COL21A1: variants seen among roughly 807,000 people sequenced by gnomAD.
COL21A1 encodes collagen type XXI alpha 1 chain, also known as collagen alpha-1(XXI) chain.
In COL21A1, 149 loss-of-function variants were observed where a neutral mutation model predicts 137.9. The ratio of observed to expected loss-of-function variants is 1.08; its 90% confidence interval spans 0.95 to 1.24. COL21A1 has a LOEUF of 1.24. Ranked by LOEUF, COL21A1 falls within the 50% of genes most tolerant of loss-of-function variation. COL21A1 has a pLI of 0.00. For missense variants in COL21A1, 1,167 were observed against 1,158.4 expected (o/e 1.01, Z -0.11); for synonymous variants, 456 against 391.5 (o/e 1.16, Z -1.95).
At chr6:56,360,825 C>T (rs757145823) in intron 1 of COL21A1, among the ~76,000 whole-genome samples, 3 of 152,098 alleles carry the variant, frequency 2.0e-5, no homozygotes, top group Non-Finnish European at 2.9e-5. Context: ...ATAGGCTGGG[C>T]GCAGTGGCTC....
At chr6:56,072,934 T>A (rs758943296) in intron 20 of COL21A1, among the ~76,000 whole-genome samples, 100 of 151,498 alleles carry the variant, frequency 6.6e-4, no homozygotes, top group Non-Finnish European at 6.5e-4. Flanking sequence ...GTAATTCATG[T>A]AAAAATAAAC....
intron 1 of COL21A1, among the ~76,000 whole-genome samples, chr6:56,245,331 C>G (rs1173060792): frequency 6.6e-6 from 1 of 152,034 alleles, no homozygotes; most frequent in African/African-American, 2.4e-5. Flanking sequence ...TTAAAAAAAC[C>G]TAGGCTATTG....
At chr6:56,204,420 A>G (rs1010818117) in intron 1 of COL21A1, among the ~76,000 whole-genome samples, 1 of 152,156 alleles carries the variant, frequency 6.6e-6, no homozygotes, top group East Asian at 1.9e-4. Flanking sequence ...GACTGCCTCT[A>G]TAGATTCCTC....
chr6:56,382,110 G>A (rs974284124), intron 1 of COL21A1, among the ~76,000 whole-genome samples: 2 of 152,154 alleles, frequency 1.3e-5, no homozygotes, highest in African/African-American at 2.4e-5. Flanking sequence ...AATAGGTCAC[G>A]CCTGTCAGGA....
At chr6:56,344,536 T>A (rs187169236) in intron 1 of COL21A1, among the ~76,000 whole-genome samples, 146 of 152,338 alleles carry the variant, frequency 9.6e-4, no homozygotes, top group Non-Finnish European at 1.7e-3. Flanking sequence ...CATAACAGAT[T>A]AAGATTCATG....
At chr6:56,206,232 G>A (rs944695789) in intron 1 of COL21A1, among the ~76,000 whole-genome samples, 2 of 151,168 alleles carry the variant, frequency 1.3e-5, no homozygotes, top group Admixed American at 6.6e-5. Flanking sequence ...CTGTATCCAG[G>A]AGATCCAACT....
intron 16 of COL21A1, among the ~76,000 whole-genome samples, chr6:56,121,960 G>A (rs1772580800): frequency 6.6e-6 from 1 of 151,868 alleles, no homozygotes; most frequent in Non-Finnish European, 1.5e-5. Flanking sequence ...CATAACCAAG[G>A]TCAAATATGA....
intron 1 of COL21A1, among the ~76,000 whole-genome samples, chr6:56,230,133 C>T (rs1008854694): frequency 6.6e-6 from 1 of 151,708 alleles, no homozygotes; most frequent in Non-Finnish European, 1.5e-5. Context: ...TCCTGTGGGT[C>T]CTGTAAAAAA....
intron 1 of COL21A1, among the ~76,000 whole-genome samples, chr6:56,208,161 A>G (rs1302247636): frequency 6.6e-6 from 1 of 152,158 alleles, no homozygotes; most frequent in African/African-American, 2.4e-5. Context: ...CCTAATCAAC[A>G]TAGTATTGGA....
chr6:56,172,274 A>T (rs938658826), intron 3 of COL21A1, among the ~76,000 whole-genome samples: 1 of 152,292 alleles, frequency 6.6e-6, no homozygotes, highest in South Asian at 2.1e-4. Context: ...TTTTGAAAGC[A>T]GCAAGAAAAA....
chr6:56,341,227 G>C (rs1228241422), intron 1 of COL21A1, among the ~76,000 whole-genome samples: 3 of 152,140 alleles, frequency 2.0e-5, no homozygotes, highest in African/African-American at 7.2e-5. Flanking sequence ...GGAAAATTAT[G>C]ATAATACATT....
intron 1 of COL21A1, among the ~76,000 whole-genome samples, chr6:56,375,950 C>A (rs951677372): frequency 6.6e-6 from 1 of 152,108 alleles, no homozygotes; most frequent in Admixed American, 6.5e-5. Context: ...AAGTTTAGTG[C>A]TTAACATGTT....
chr6:56,293,345 T>C (rs1338158322), intron 1 of COL21A1, among the ~76,000 whole-genome samples: 1 of 152,210 alleles, frequency 6.6e-6, no homozygotes, highest in Non-Finnish European at 1.5e-5. Flanking sequence ...ATGAGTCATG[T>C]ATTCTGAAAT....
At chr6:56,212,222 G>A (rs1234242759) in intron 1 of COL21A1, among the ~76,000 whole-genome samples, 1 of 151,776 alleles carries the variant, frequency 6.6e-6, no homozygotes, top group African/African-American at 2.4e-5. Flanking sequence ...CTCTAATTAG[G>A]TTCATTTTTA....
chr6:56,189,154 T>C (rs892747184), intron 1 of COL21A1, among the ~76,000 whole-genome samples: 1 of 151,954 alleles, frequency 6.6e-6, no homozygotes, highest in African/African-American at 2.4e-5. Context: ...AGAAGGTGGG[T>C]AATAACAAAC....
In COL21A1 at chr6:56,194,228, G is replaced by A. The variant is rs141997477; in HGVS notation, c.-38-11572C>T. 9.4e-3 allele frequency among the ~76,000 whole-genome samples: 1,436 copies of A among 152,222 alleles called. 6 individuals are homozygous for A. The highest frequency in any genetic ancestry group is 0.016 in the Non-Finnish European group (1,063 of 68,016). On this transcript the variant is annotated intron_variant, in intron 1 of 29. Transcript: ENST00000244728. ...TTTTGGGCAAAGTTAATTCCCTGAT[G>A]TTATTATAATTTAAATTGACAATCA... is the stretch of plus-strand genomic sequence containing the variant.
chr6:56,070,866 A>C, intron 20 of COL21A1, 68 bp from the exon 21 acceptor site: 3 of 1,126,712 alleles, frequency 2.7e-6, no homozygotes, highest in South Asian at 1.5e-5. Context: ...TGATATAGAC[A>C]CTTAAGGGAA....
At chr6:56,198,578 C>A in intron 1 of COL21A1, among the ~76,000 whole-genome samples, 1 of 151,922 alleles carries the variant, frequency 6.6e-6, no homozygotes, top group Non-Finnish European at 1.5e-5. Flanking sequence ...GAATACAGGC[C>A]AACAAGGCCT....
chr6:56,082,634 C>T (rs1458492154), intron 17 of COL21A1, among the ~76,000 whole-genome samples: 2 of 151,046 alleles, frequency 1.3e-5, no homozygotes, highest in African/African-American at 4.9e-5. Flanking sequence ...TAAATCTTTT[C>T]CAGAGAAACC....
Sources: gnomAD v4.1 joint callset for allele counts (sites outside exome capture counted in the v4.1 genomes callset) on GRCh38, gnomAD v4.1.1 for gene constraint, MANE v1.5 for transcripts, NCBI Gene and HGNC (gene_info 2026-07-23, HGNC 2026-07-21) for gene names.